Variants in MRPL1 observed in about 807,000 individuals in gnomAD.
MRPL1 encodes large ribosomal subunit protein uL1m.
MRPL1 carries 28 observed loss-of-function variants against 38.0 expected under a neutral mutation model. The observed-to-expected ratio is 0.74, with a 90% CI of 0.55 to 1.01. The LOEUF (loss-of-function observed/expected upper bound fraction) is 1.01. Ranked by LOEUF, MRPL1 falls within the 50% of genes least tolerant of loss-of-function variation. The pLI is 0.00. For synonymous variants in MRPL1, 123 were observed against 126.7 expected, an observed-to-expected ratio of 0.97 and a Z score of 0.20; for missense variants, 358 against 389.8, an observed-to-expected ratio of 0.92 and a Z score of 0.69.
In MRPL1 at chr4:77,949,765, T is replaced by A; in HGVS notation, c.778-32T>A. The A allele has an allele frequency of 3.0e-6, 4 of 1,351,212 alleles. No individual in the cohort carries two copies. In the South Asian group the frequency reaches 4.9e-5, roughly 17 times the overall value. The allele number at this position is 1,351,212 out of a possible 1,614,324, so 83.7% of individuals were successfully genotyped here. A position where few individuals can be genotyped will look rare whatever the true frequency, so the allele number is the denominator to read the frequency against. ...AATTTATTATCTTCTTGCTTTCTCA[T>A]CATTAATGTTATGTATATTATTTTC... On this transcript the variant is annotated intron_variant, in intron 7 of 8. Transcript: ENST00000315567.
intron 6 of MRPL1, among the ~76,000 whole-genome samples, chr4:77,905,496 CAAAA>C (rs374398968): frequency 6.3e-5 from 4 of 63,390 alleles, no homozygotes; most frequent in Admixed American, 2.4e-4. Context: ...GACTCCGTCT[CAAAA>C]AAAAAAAAAA....
At chr4:77,921,777 T>C (rs554396454) in intron 7 of MRPL1, among the ~76,000 whole-genome samples, 1 of 152,134 alleles carries the variant, frequency 6.6e-6, no homozygotes, top group Admixed American at 6.5e-5. Flanking sequence ...GCAGAGTTTT[T>C]TTTTTTTTTT....
intron 1 of MRPL1, among the ~76,000 whole-genome samples, chr4:77,870,004 A>C (rs1028704012): frequency 6.6e-6 from 1 of 152,016 alleles, no homozygotes; most frequent in East Asian, 1.9e-4. Flanking sequence ...CACCTCAAGC[A>C]ATCCTCCCAC....
intron 7 of MRPL1, among the ~76,000 whole-genome samples, chr4:77,923,336 T>A (rs1736624452): frequency 6.6e-6 from 1 of 152,044 alleles, no homozygotes; most frequent in Admixed American, 6.6e-5. Flanking sequence ...CCTCAGGTGA[T>A]CTGCCCGCCT....
chr4:77,900,415 A>T (rs1434103514), intron 6 of MRPL1, among the ~76,000 whole-genome samples: 1 of 152,178 alleles, frequency 6.6e-6, no homozygotes, highest in African/African-American at 2.4e-5. Context: ...AAAATGTACA[A>T]AGTATTGTAG....
chr4:77,918,189 C>A (rs537094591), intron 7 of MRPL1, among the ~76,000 whole-genome samples: 38 of 151,952 alleles, frequency 2.5e-4, no homozygotes, highest in African/African-American at 9.2e-4. Context: ...AAAATATATA[C>A]CAGGTAGATA....
chr4:77,891,490 G>C (rs1381680769), intron 5 of MRPL1, among the ~76,000 whole-genome samples: 2 of 151,906 alleles, frequency 1.3e-5, no homozygotes, highest in Non-Finnish European at 2.9e-5. Flanking sequence ...CTAGTAGCTG[G>C]GATTACAGGC....
At chr4:77,877,922 G>A (rs759156033) in intron 2 of MRPL1, among the ~76,000 whole-genome samples, 15 of 152,038 alleles carry the variant, frequency 9.9e-5, no homozygotes, top group Middle Eastern at 3.4e-3. Flanking sequence ...GGGGGACGGC[G>A]CGCTTCTAAT....
intron 5 of MRPL1, among the ~76,000 whole-genome samples, chr4:77,888,649 A>T (rs1415646310): frequency 6.6e-6 from 1 of 152,184 alleles, no homozygotes; most frequent in Non-Finnish European, 1.5e-5. Flanking sequence ...AAAATATAAA[A>T]GATTTTTCTT....
intron 7 of MRPL1, among the ~76,000 whole-genome samples, chr4:77,927,231 A>T (rs1043372392): frequency 1.3e-5 from 2 of 152,236 alleles, no homozygotes; most frequent in African/African-American, 4.8e-5. Flanking sequence ...GTCTAATAAA[A>T]AATATTGCCT....
intron 2 of MRPL1, among the ~76,000 whole-genome samples, chr4:77,879,626 A>G (rs1404621707): frequency 6.6e-6 from 1 of 152,246 alleles, no homozygotes; most frequent in Non-Finnish European, 1.5e-5. Flanking sequence ...GGCTACAGCT[A>G]GAACATTTTG....
rs1243633299 is a variant in MRPL1, at chr4:77,872,297, ATTAAT to A, written c.143+450_143+454del. On this transcript the variant is annotated intron_variant, in intron 2 of 8. Transcript: ENST00000315567. ...TAATGAATTTTAATTTAATTAAGAAATTAATTTAATTTCTTTCTGTCCTTTAAATT... is the reference window on the plus strand; with the variant it reads ...TAATGAATTTTAATTTAATTAAGAAATTAATTTCTTTCTGTCCTTTAAATT... 2.6e-5 allele frequency among the ~76,000 whole-genome samples: 4 copies of A among 152,238 alleles called. No individual in the cohort carries two copies. The South Asian group carries it at 6.2e-4, about 24-fold the overall frequency.
chr4:77,907,689 CAAGTA>C (rs1379749511), intron 6 of MRPL1, among the ~76,000 whole-genome samples: 1 of 151,864 alleles, frequency 6.6e-6, no homozygotes, highest in Non-Finnish European at 1.5e-5. Flanking sequence ...CTCAACCTCC[CAAGTA>C]GCTGGGTTTA....
chr4:77,914,407 C>T (rs964297446), intron 7 of MRPL1, among the ~76,000 whole-genome samples: 2 of 151,978 alleles, frequency 1.3e-5, no homozygotes, highest in South Asian at 2.1e-4. Context: ...ACTCGATCAA[C>T]CTACTAAGAA....
Position 77,871,828 on chromosome 4 carries a change from C to T in MRPL1, c.116C>T (p.Pro39Leu). 1 of 1,599,120 alleles carries T rather than the reference C, an allele frequency of 6.3e-7. No individual in the cohort carries two copies. Among genetic ancestry groups the T allele is most frequent in the South Asian group, 1.2e-5 (1 of 86,530 alleles). The change falls in exon 2 of 9, where the codon CCC becomes CTC. Residue 39 changes from proline to leucine, a missense_variant. Pro to Leu is a moderately conservative substitution (Grantham distance 98). Coordinates refer to ENST00000315567, the MANE Select transcript of MRPL1 (RefSeq NM_020236.4). ...LCSCSVNIRVPNRHFAAATKS... is the reference protein window; with the variant it reads ...LCSCSVNIRVLNRHFAAATKS... ...TCTTGTTCTGTAAACATCCGAGTGC[C>T]CAACAGACATTTTGCTGCTGCTACA...
At chr4:77,917,080 GT>G (rs1736439950) in intron 7 of MRPL1, among the ~76,000 whole-genome samples, 1 of 152,086 alleles carries the variant, frequency 6.6e-6, no homozygotes, top group African/African-American at 2.4e-5. Context: ...CATTATCATT[GT>G]TTCTTTGGTT....
intron 7 of MRPL1, among the ~76,000 whole-genome samples, chr4:77,941,126 G>A (rs557301132): frequency 5.3e-5 from 8 of 152,196 alleles, no homozygotes; most frequent in South Asian, 2.1e-4. Flanking sequence ...TTAGCCGGGC[G>A]TGGTGGCACA....
intron 5 of MRPL1, among the ~76,000 whole-genome samples, chr4:77,891,019 C>T (rs1735793648): frequency 6.6e-6 from 1 of 151,986 alleles, no homozygotes; most frequent in Admixed American, 6.6e-5. Flanking sequence ...GGTGAGGATT[C>T]TGGATTTTAA....
intron 7 of MRPL1, among the ~76,000 whole-genome samples, chr4:77,929,273 A>C (rs1736790046): frequency 7.0e-6 from 1 of 142,350 alleles, no homozygotes; most frequent in South Asian, 2.3e-4. Context: ...AATAAAAATA[A>C]AAATAAAAAC....
Sources: gnomAD v4.1 joint callset for allele counts (sites outside exome capture counted in the v4.1 genomes callset) on GRCh38, gnomAD v4.1.1 for gene constraint, MANE v1.5 for transcripts, NCBI Gene and HGNC (gene_info 2026-07-23, HGNC 2026-07-21) for gene names.